DMGDH: variants seen among roughly 807,000 people sequenced by gnomAD.
The protein encoded by DMGDH is dimethylglycine dehydrogenase, mitochondrial.
A neutral mutation model predicts 95.2 loss-of-function variants in DMGDH; 76 were observed. That is an observed-to-expected ratio of 0.80 (90% CI 0.66 to 0.97). The LOEUF (loss-of-function observed/expected upper bound fraction) is 0.97, where lower values mean the gene tolerates loss of function less well. DMGDH is among the 50% of genes least tolerant of loss of function. DMGDH has a pLI of 0.00. For missense variants in DMGDH, 987 were observed against 1,055.0 expected, an observed-to-expected ratio of 0.94 and a Z score of 0.89; for synonymous variants, 345 against 377.6, an observed-to-expected ratio of 0.91 and a Z score of 1.00.
chr5:79,003,650 A>G (rs992610560), intron 15 of DMGDH, among the ~76,000 whole-genome samples: 2 of 152,202 alleles, frequency 1.3e-5, no homozygotes, highest in Admixed American at 1.3e-4. Context: ...GAATGTGGGC[A>G]TAGAATTAAA....
At chr5:79,029,324 C>A (rs1754089341) in intron 11 of DMGDH, among the ~76,000 whole-genome samples, 1 of 152,116 alleles carries the variant, frequency 6.6e-6, no homozygotes, top group Admixed American at 6.5e-5. Flanking sequence ...CAGAGTAAGA[C>A]ATGTATTAAA....
intron 7 of DMGDH, among the ~76,000 whole-genome samples, chr5:79,039,013 A>G (rs1000204926): frequency 1.3e-5 from 2 of 151,300 alleles, no homozygotes; most frequent in African/African-American, 2.4e-5. Context: ...ATGAGATACC[A>G]TCTCACACCA....
chr5:79,044,358 T>A lies in DMGDH; in HGVS notation c.940A>T (p.Ser314Cys). 6.2e-7 allele frequency: 1 copy of A among 1,614,202 alleles called. No homozygotes were observed. The highest frequency in any genetic ancestry group is 8.5e-7 in the Non-Finnish European group (1 of 1,180,030). Reference sequence around the variant, plus strand: ...TCCTGAACTTTCATTTTCTCTTGACTTTCATATGGACCAAACAAAAGCCCA... The same window carrying A: ...TCCTGAACTTTCATTTTCTCTTGACATTCATATGGACCAAACAAAAGCCCA... The part of the protein sequence containing the change: ...RDGLLFGPYE[S>C]QEKMKVQDSW... The change falls in exon 6 of 16, where the codon AGT becomes TGT. Residue 314 changes from serine (S) to cysteine (C), a missense_variant. Physicochemically the swap from Ser to Cys is moderately radical, Grantham distance 112 (BLOSUM62 -1). Coordinates refer to ENST00000255189, the MANE Select transcript of DMGDH (RefSeq NM_013391.3).
intron 1 of DMGDH, among the ~76,000 whole-genome samples, chr5:79,069,267 G>T (rs1344365091): frequency 6.6e-6 from 1 of 152,226 alleles, no homozygotes; most frequent in Admixed American, 6.5e-5. Context: ...CCTATGCGTA[G>T]ACTGTCTCTG....
chr5:79,059,262 C>A (rs73132152), intron 2 of DMGDH, among the ~76,000 whole-genome samples: 1 of 152,184 alleles, frequency 6.6e-6, no homozygotes, highest in Admixed American at 6.5e-5. Context: ...TGTAATACAG[C>A]GATGTGAAGG....
chr5:79,062,555 C>G (rs1391945294), intron 2 of DMGDH, among the ~76,000 whole-genome samples: 1 of 152,018 alleles, frequency 6.6e-6, no homozygotes, highest in African/African-American at 2.4e-5. Context: ...CCTCTCCCAT[C>G]CCTAAATGAT....
In DMGDH at chr5:79,024,082, C is replaced by T. The variant is rs115095855; in HGVS notation, c.2250+189G>A. On this transcript the variant is annotated intron_variant, in intron 14 of 15. Transcript: ENST00000255189. ...CTGCTATCTTAAATCTGTAAGCACA[C>T]TCCAATAGTTTGAACTAAGCAAATG... Among the ~76,000 whole-genome samples the T allele has an allele frequency of 2.6e-3, 395 of 152,310 alleles. 1 individual carries two copies. The highest frequency in any genetic ancestry group is 9.0e-3 in the African/African-American group (376 of 41,568).
intron 7 of DMGDH, among the ~76,000 whole-genome samples, chr5:79,037,116 C>T (rs964167242): frequency 6.6e-5 from 10 of 152,162 alleles, no homozygotes; most frequent in Non-Finnish European, 1.2e-4. Context: ...TCTGCCATGA[C>T]GGCTCTGTGA....
At chr5:79,005,219 G>T in intron 15 of DMGDH, 54 bp downstream of exon 15, 1 of 1,609,620 alleles carries the variant, frequency 6.2e-7, no homozygotes, top group Non-Finnish European at 8.5e-7. Flanking sequence ...AACAAGGGGA[G>T]TTTCTGTTGC....
At chr5:79,012,432 C>T (rs1051493269) in intron 14 of DMGDH, among the ~76,000 whole-genome samples, 3 of 152,166 alleles carry the variant, frequency 2.0e-5, no homozygotes, top group East Asian at 1.9e-4. Context: ...GCTGAGGGTG[C>T]AAGCTGCTGG....
chr5:79,017,676 C>T (rs927285843), intron 14 of DMGDH, among the ~76,000 whole-genome samples: 1 of 152,190 alleles, frequency 6.6e-6, no homozygotes, highest in South Asian at 2.1e-4. Flanking sequence ...AAAAGAAAGC[C>T]TATGTTCATA....
intron 2 of DMGDH, among the ~76,000 whole-genome samples, chr5:79,058,172 G>A (rs1485990534): frequency 3.3e-5 from 5 of 152,248 alleles, no homozygotes; most frequent in Admixed American, 1.3e-4. Context: ...TTGCTGCTAC[G>A]ATAGTCAGAA....
At position 79,066,258 on chromosome 5, in the gene DMGDH, A is replaced by G. The variant is rs1755376639; in HGVS notation, c.102-2471T>C. On this transcript the variant is annotated intron_variant, in intron 1 of 15. Coordinates refer to ENST00000255189, the MANE Select transcript of DMGDH (RefSeq NM_013391.3). ...ACTTCCTTTGTGTTTTATGACCTTC[A>G]CATTTTCGAAGAGTACTAGCCAGTT... Among the ~76,000 whole-genome samples, 3 of 152,056 alleles carry G rather than the reference A, an allele frequency of 2.0e-5. No individual in the cohort carries two copies. The South Asian group carries it at 6.2e-4, about 32-fold the overall frequency.
intron 14 of DMGDH, among the ~76,000 whole-genome samples, chr5:79,018,215 T>C (rs369116246): frequency 1.1e-4 from 17 of 152,220 alleles, no homozygotes; most frequent in African/African-American, 3.9e-4. Context: ...GCCCGGCTAA[T>C]TTTTTGTGGA....
At chr5:79,032,649 T>C in intron 9 of DMGDH, 38 bp downstream of exon 9, 2 of 1,613,866 alleles carry the variant, frequency 1.2e-6, no homozygotes, top group Non-Finnish European at 1.7e-6. Flanking sequence ...GTTTCACCCC[T>C]CGGTCAGAAC....
chr5:79,028,290 G>A (rs902399610), intron 12 of DMGDH, 143 bp downstream of exon 12: 11 of 706,092 alleles, frequency 1.6e-5, no homozygotes, highest in South Asian at 5.5e-5. Context: ...CTCCAAAGTC[G>A]CATGGACAAA....
chr5:78,998,718 C>T (rs992156271), intron 15 of DMGDH, among the ~76,000 whole-genome samples: 3 of 152,032 alleles, frequency 2.0e-5, no homozygotes, highest in Non-Finnish European at 4.4e-5. Context: ...GGCATGATGG[C>T]GGGCGCCTAT....
At chr5:79,038,565 C>G (rs1368433103) in intron 7 of DMGDH, among the ~76,000 whole-genome samples, 1 of 152,006 alleles carries the variant, frequency 6.6e-6, no homozygotes, top group African/African-American at 2.4e-5. Context: ...AGAAATCAAC[C>G]CATACATCTA....
chr5:79,029,425 A>C (rs938921410), intron 11 of DMGDH, among the ~76,000 whole-genome samples: 1 of 152,226 alleles, frequency 6.6e-6, no homozygotes, highest in Non-Finnish European at 1.5e-5. Context: ...GCAGGTCAGC[A>C]ACTTAGATCC....
Sources: gnomAD v4.1 joint callset for allele counts (sites outside exome capture counted in the v4.1 genomes callset) on GRCh38, gnomAD v4.1.1 for gene constraint, MANE v1.5 for transcripts, NCBI Gene and HGNC (gene_info 2026-07-23, HGNC 2026-07-21) for gene names.